The following CACNB2 variants were observed in gnomAD, a reference collection of about 807,000 sequenced individuals.
CACNB2 encodes the protein calcium voltage-gated channel auxiliary subunit beta 2.
A neutral mutation model predicts 73.3 loss-of-function variants in CACNB2; 42 were observed. That is an observed-to-expected ratio of 0.57 (90% confidence interval 0.45 to 0.74). The LOEUF is 0.74. Among genes scored for constraint, CACNB2 ranks in the 30% least tolerant of loss-of-function variants. The pLI, the probability that CACNB2 is intolerant of heterozygous loss-of-function variation, is 0.00. For missense variants in CACNB2, 940 were observed against 853.0 expected, an observed-to-expected ratio of 1.10 and a Z score of -1.27; for synonymous variants, 348 against 310.3, an observed-to-expected ratio of 1.12 and a Z score of -1.28.
intron 2 of CACNB2, among the ~76,000 whole-genome samples, chr10:18,275,799 A>G (rs1255727254): frequency 3.9e-5 from 6 of 152,194 alleles, no homozygotes; most frequent in Non-Finnish European, 5.9e-5. Context: ...AGAATAACAC[A>G]ATCAATGTTT....
intron 2 of CACNB2, among the ~76,000 whole-genome samples, chr10:18,295,503 T>C (rs2039240502): frequency 6.6e-6 from 1 of 152,244 alleles, no homozygotes; most frequent in African/African-American, 2.4e-5. Flanking sequence ...TCAGTCACAC[T>C]GAACCTCCCA....
At chr10:18,398,677 A>C (rs573830708) in intron 2 of CACNB2, among the ~76,000 whole-genome samples, 19 of 123,634 alleles carry the variant, frequency 1.5e-4, no homozygotes, top group African/African-American at 6.2e-4. Context: ...TCACACACAC[A>C]CACACACACA....
chr10:18,410,903 C>G (rs2132625590), intron 3 of CACNB2, among the ~76,000 whole-genome samples: 1 of 152,134 alleles, frequency 6.6e-6, no homozygotes, highest in African/African-American at 2.4e-5. Flanking sequence ...TCACTGGAAC[C>G]CAGGAGGCAG....
At chr10:18,537,914 G>GACA (rs1190474457) in intron 12 of CACNB2, among the ~76,000 whole-genome samples, 2 of 152,006 alleles carry the variant, frequency 1.3e-5, no homozygotes, top group Non-Finnish European at 2.9e-5. Context: ...CTGATTGATA[G>GACA]ACAACTTTTC....
intron 2 of CACNB2, among the ~76,000 whole-genome samples, chr10:18,354,619 G>T (rs1045392404): frequency 1.3e-5 from 2 of 152,132 alleles, no homozygotes; most frequent in Non-Finnish European, 2.9e-5. Flanking sequence ...GTTTTTGCTT[G>T]TATGTTTGTT....
intron 2 of CACNB2, among the ~76,000 whole-genome samples, chr10:18,343,707 T>G (rs775045629): frequency 1.3e-5 from 2 of 152,206 alleles, no homozygotes; most frequent in African/African-American, 2.4e-5. Flanking sequence ...AGTGATGAGT[T>G]GAGTTTTTAT....
intron 3 of CACNB2, among the ~76,000 whole-genome samples, chr10:18,479,312 A>G (rs2048599683): frequency 6.6e-6 from 1 of 152,200 alleles, no homozygotes; most frequent in Admixed American, 6.5e-5. Context: ...GCAAAGAGCC[A>G]GAAAATCTGT....
At chr10:18,495,047 C>T (rs1212709828) in intron 3 of CACNB2, among the ~76,000 whole-genome samples, 1 of 152,074 alleles carries the variant, frequency 6.6e-6, no homozygotes, top group Non-Finnish European at 1.5e-5. Flanking sequence ...ATTTAAAAGT[C>T]TTAATAACTC....
intron 3 of CACNB2, among the ~76,000 whole-genome samples, chr10:18,431,808 A>T (rs940804049): frequency 6.6e-6 from 1 of 151,858 alleles, no homozygotes; most frequent in African/African-American, 2.4e-5. Flanking sequence ...TCTGTTGCCT[A>T]GGCTGGAGTG....
intron 2 of CACNB2, among the ~76,000 whole-genome samples, chr10:18,378,375 G>T (rs2042885943): frequency 6.6e-6 from 1 of 152,134 alleles, no homozygotes; most frequent in Admixed American, 6.5e-5. Context: ...TAATTCTGTA[G>T]CACCTATAAA....
At chr10:18,532,693 A>AAC (rs2053171102) in intron 10 of CACNB2, among the ~76,000 whole-genome samples, 3 of 81,736 alleles carry the variant, frequency 3.7e-5, no homozygotes, top group Admixed American at 2.4e-4. Context: ...AAAAAAAAAA[A>AAC]AAACAAAACA....
At chr10:18,497,293 A>G (rs1250578933) in intron 3 of CACNB2, among the ~76,000 whole-genome samples, 3 of 152,068 alleles carry the variant, frequency 2.0e-5, no homozygotes, top group Admixed American at 2.0e-4. Flanking sequence ...GGAAAGAAAT[A>G]CAATACCACT....
intron 9 of CACNB2, among the ~76,000 whole-genome samples, chr10:18,525,007 T>C (rs2052323745): frequency 7.3e-6 from 1 of 136,690 alleles, no homozygotes; most frequent in Admixed American, 8.2e-5. Flanking sequence ...CACTCCAGCC[T>C]GGGTGACAGT....
At chr10:18,539,088 T>C in intron 13 of CACNB2, 142 bp from the exon 14 acceptor site, 1 of 1,039,878 alleles carries the variant, frequency 9.6e-7, no homozygotes. Flanking sequence ...CACTGGATGT[T>C]ACCAAAGGGA....
intron 2 of CACNB2, among the ~76,000 whole-genome samples, chr10:18,174,337 TTTC>T (rs773944171): frequency 2.0e-4 from 29 of 142,424 alleles, no homozygotes; most frequent in Non-Finnish European, 4.4e-4. Context: ...TTTTCTTTTC[TTTC>T]TTTCTTTTTT....
At chr10:18,394,953 G>A (rs542442292) in intron 2 of CACNB2, among the ~76,000 whole-genome samples, 7 of 152,174 alleles carry the variant, frequency 4.6e-5, no homozygotes, top group African/African-American at 1.4e-4. Flanking sequence ...TTCCAGTAAC[G>A]TGGAGTTCAC....
intron 10 of CACNB2, among the ~76,000 whole-genome samples, chr10:18,528,040 C>A (rs1213183554): frequency 6.6e-6 from 1 of 151,966 alleles, no homozygotes; most frequent in African/African-American, 2.4e-5. Flanking sequence ...ATTTCCTCAT[C>A]CTAAAAAAGA....
At chr10:18,333,294 G>T (rs1447281522) in intron 2 of CACNB2, among the ~76,000 whole-genome samples, 2 of 152,146 alleles carry the variant, frequency 1.3e-5, no homozygotes, top group African/African-American at 4.8e-5. Flanking sequence ...ATTGCAGGCG[G>T]GATTGATCAT....
chr10:18,152,562 G>T (rs886413611), intron 2 of CACNB2, among the ~76,000 whole-genome samples: 6 of 151,822 alleles, frequency 4.0e-5, no homozygotes, highest in Non-Finnish European at 8.8e-5. Context: ...GGGACATAGT[G>T]ACTTGGGAGA....
Sources: gnomAD v4.1 joint callset for allele counts (sites outside exome capture counted in the v4.1 genomes callset) on GRCh38, gnomAD v4.1.1 for gene constraint, MANE v1.5 for transcripts, NCBI Gene and HGNC (gene_info 2026-07-23, HGNC 2026-07-21) for gene names.